ZBTB20: variants seen among roughly 807,000 people sequenced by gnomAD.
ZBTB20 encodes zinc finger and BTB domain containing 20.
ZBTB20 carries 9 observed loss-of-function variants against 56.9 expected under a neutral mutation model. That is an observed-to-expected ratio of 0.16 (90% CI 0.10 to 0.28). The LOEUF (loss-of-function observed/expected upper bound fraction) is 0.28, where lower values mean the gene tolerates loss of function less well. ZBTB20 is among the 10% of genes least tolerant of loss of function. ZBTB20 has a pLI of 1.00. For missense variants in ZBTB20, 655 were observed against 1,003.0 expected (o/e 0.65, Z 4.69); for synonymous variants, 417 against 420.7 (o/e 0.99, Z 0.11).
At chr3:114,454,212 A>AGAGAGAT (rs1553717402) in intron 7 of ZBTB20, among the ~76,000 whole-genome samples, 1 of 71,764 alleles carries the variant, frequency 1.4e-5, no homozygotes, top group African/African-American at 8.9e-5. Context: ...GAGAGAGAGA[A>AGAGAGAT]ATTGGAGCTT....
chr3:115,127,555 T>A (rs180731917), intron 1 of ZBTB20, among the ~76,000 whole-genome samples: 2 of 152,184 alleles, frequency 1.3e-5, no homozygotes, highest in African/African-American at 4.8e-5. Context: ...GATCATGCCA[T>A]GCACTCCAGC....
At chr3:114,566,878 T>C (rs1373866820) in intron 6 of ZBTB20, among the ~76,000 whole-genome samples, 3 of 152,210 alleles carry the variant, frequency 2.0e-5, no homozygotes, top group Admixed American at 2.0e-4. Context: ...GGATGCACAG[T>C]GATTTCAAGC....
chr3:114,781,489 A>C (rs925355238), intron 5 of ZBTB20, among the ~76,000 whole-genome samples: 2 of 152,172 alleles, frequency 1.3e-5, no homozygotes, highest in Non-Finnish European at 2.9e-5. Context: ...AATTCATACC[A>C]ATATTTTATT....
intron 3 of ZBTB20, among the ~76,000 whole-genome samples, chr3:114,920,848 A>T (rs991666053): frequency 2.0e-5 from 3 of 152,062 alleles, no homozygotes; most frequent in Admixed American, 6.6e-5. Flanking sequence ...TAGCTAGATT[A>T]CCCAAGGAAA....
intron 7 of ZBTB20, among the ~76,000 whole-genome samples, chr3:114,406,150 C>T (rs2087302350): frequency 6.6e-6 from 1 of 152,100 alleles, no homozygotes; most frequent in Admixed American, 6.6e-5. Flanking sequence ...CATTGTAGCA[C>T]AGTGACCAAA....
chr3:114,633,029 C>T (rs2059046598), intron 6 of ZBTB20, among the ~76,000 whole-genome samples: 1 of 152,140 alleles, frequency 6.6e-6, no homozygotes, highest in African/African-American at 2.4e-5. Flanking sequence ...GACTTTTTTA[C>T]TACATAGAAA....
intron 7 of ZBTB20, among the ~76,000 whole-genome samples, chr3:114,469,458 A>C (rs1441988590): frequency 6.6e-6 from 1 of 152,200 alleles, no homozygotes; most frequent in Non-Finnish European, 1.5e-5. Context: ...ATATCTAATG[A>C]TAATTTCCCT....
chr3:114,991,022 G>GT (rs2108150729), intron 2 of ZBTB20, among the ~76,000 whole-genome samples: 1 of 152,176 alleles, frequency 6.6e-6, no homozygotes, highest in South Asian at 2.1e-4. Flanking sequence ...CTTGCTAGCA[G>GT]TCTACCAATT....
chr3:114,649,086 A>C (rs911727891), intron 6 of ZBTB20, among the ~76,000 whole-genome samples: 3 of 151,974 alleles, frequency 2.0e-5, no homozygotes, highest in Admixed American at 1.3e-4. Flanking sequence ...TAATTACCCC[A>C]CAGTTTAATT....
chr3:114,405,269 G>A (rs189755426), intron 7 of ZBTB20, among the ~76,000 whole-genome samples: 33 of 152,262 alleles, frequency 2.2e-4, no homozygotes. Flanking sequence ...GCAACATACA[G>A]TGTCATAAAG....
intron 4 of ZBTB20, among the ~76,000 whole-genome samples, chr3:114,844,532 A>AAAC (rs1432501998): frequency 2.2e-5 from 3 of 138,900 alleles, no homozygotes; most frequent in African/African-American, 8.2e-5. Context: ...AAAAAAAAAA[A>AAAC]AAAAAAAAAA....
At chr3:115,130,832 G>T (rs1022792465) in intron 1 of ZBTB20, among the ~76,000 whole-genome samples, 12 of 152,104 alleles carry the variant, frequency 7.9e-5, no homozygotes, top group African/African-American at 2.9e-4. Context: ...CACCATCTCG[G>T]CTCACCACAA....
chr3:114,799,601 T>C (rs1306365007), intron 5 of ZBTB20, among the ~76,000 whole-genome samples: 1 of 151,974 alleles, frequency 6.6e-6, no homozygotes, highest in Non-Finnish European at 1.5e-5. Flanking sequence ...TTACCTATTA[T>C]TGTGCCAAGG....
At chr3:115,049,512 T>C (rs1343183616) in intron 2 of ZBTB20, among the ~76,000 whole-genome samples, 1 of 152,202 alleles carries the variant, frequency 6.6e-6, no homozygotes, top group Admixed American at 6.5e-5. Context: ...GTTTCACATA[T>C]ACCTTATATA....
intron 6 of ZBTB20, among the ~76,000 whole-genome samples, chr3:114,681,469 T>C (rs2061971789): frequency 6.6e-6 from 1 of 152,164 alleles, no homozygotes; most frequent in African/African-American, 2.4e-5. Flanking sequence ...CCTGTAAATC[T>C]TGACAAAATT....
intron 2 of ZBTB20, among the ~76,000 whole-genome samples, chr3:115,053,553 A>G (rs1320966553): frequency 6.6e-6 from 1 of 152,188 alleles, no homozygotes; most frequent in Non-Finnish European, 1.5e-5. Context: ...CAATAATTTG[A>G]TAAAAATTTC....
At chr3:114,517,760 G>A (rs1279696745) in intron 6 of ZBTB20, among the ~76,000 whole-genome samples, 1 of 151,938 alleles carries the variant, frequency 6.6e-6, no homozygotes, top group Non-Finnish European at 1.5e-5. Flanking sequence ...ATTTTTAGTA[G>A]AGATGGGATT....
intron 10 of ZBTB20, among the ~76,000 whole-genome samples, chr3:114,365,401 A>G (rs2082293243): frequency 6.6e-6 from 1 of 152,198 alleles, no homozygotes; most frequent in Non-Finnish European, 1.5e-5. Context: ...TTCCAGCAGG[A>G]GGGCACTAAG....
At chr3:115,085,517 G>C (rs185175696) in intron 1 of ZBTB20, among the ~76,000 whole-genome samples, 1 of 151,942 alleles carries the variant, frequency 6.6e-6, no homozygotes, top group Non-Finnish European at 1.5e-5. Context: ...ACCTAAGAAA[G>C]AGGTAAAAGA....
Sources: allele counts gnomAD v4.1 joint callset (sites outside exome capture counted in the v4.1 genomes callset), GRCh38; gene constraint gnomAD v4.1.1; transcripts MANE v1.5; gene names NCBI Gene and HGNC (gene_info 2026-07-23, HGNC 2026-07-21).